Variants in PNPLA7 observed in about 807,000 individuals in gnomAD.
PNPLA7 encodes patatin-like phospholipase domain-containing protein 7.
Under a neutral mutation model 161.7 loss-of-function variants are expected in PNPLA7, and 153 were observed. That is an observed-to-expected ratio of 0.95 (90% CI 0.83 to 1.08). The LOEUF (loss-of-function observed/expected upper bound fraction) is 1.08, where lower values mean the gene tolerates loss of function less well. PNPLA7 is among the 50% of genes least tolerant of loss of function. The probability of loss-of-function intolerance (pLI) is 0.00; values close to 1 mark genes in which losing one functional copy is unlikely to be tolerated. For synonymous variants in PNPLA7, 809 were observed against 782.1 expected (o/e 1.03, Z -0.57); for missense variants, 1,739 against 1,856.6 (o/e 0.94, Z 1.16).
At position 137,537,935 on chromosome 9, in the gene PNPLA7, G is replaced by T. The variant is rs982748735; in HGVS notation, c.747+2707C>A. Among the ~76,000 whole-genome samples, 2 of 152,212 alleles carry T rather than the reference G, an allele frequency of 1.3e-5. No individual in the cohort carries two copies. Among genetic ancestry groups the T allele is most frequent in the Admixed American group, 1.3e-4 (2 of 15,290 alleles). ...AGGTCGCATACAGATGCCCCGTGCT[G>T]AACGGGTTTACGTCCACGTAGACCA... On this transcript the variant is annotated intron_variant, in intron 8 of 34. Coordinates refer to ENST00000406427, the MANE Select transcript of PNPLA7 (RefSeq NM_001098537.3). This position sits in a 1 kb window ranked among gnomAD's most constrained non-coding sequence, Gnocchi z 4.5.
chr9:137,502,246 G>A (rs1833472334), intron 14 of PNPLA7, among the ~76,000 whole-genome samples: 1 of 152,170 alleles, frequency 6.6e-6, no homozygotes, highest in African/African-American at 2.4e-5. Flanking sequence ...CAAACCAAGG[G>A]TGAGGGAGCG....
At chr9:137,531,882 A>G (rs1835598616) in intron 8 of PNPLA7, among the ~76,000 whole-genome samples, 1 of 152,182 alleles carries the variant, frequency 6.6e-6, no homozygotes, top group Admixed American at 6.5e-5. Context: ...CTAGCTAACC[A>G]GGGTTAAAAC....
chr9:137,535,305 CT>C (rs1474561735), intron 8 of PNPLA7, among the ~76,000 whole-genome samples: 4 of 152,290 alleles, frequency 2.6e-5, no homozygotes, highest in African/African-American at 9.6e-5. Flanking sequence ...AGAAAAGCCC[CT>C]GATCAGAAAG....
intron 20 of PNPLA7, among the ~76,000 whole-genome samples, chr9:137,487,235 C>T (rs1369185683): frequency 6.6e-6 from 1 of 152,236 alleles, no homozygotes; most frequent in African/African-American, 2.4e-5. Flanking sequence ...AGCTGCATCC[C>T]CAGCTGTTCA....
intron 20 of PNPLA7, chr9:137,491,328 A>G (rs1832751950): frequency 2.3e-6 from 1 of 430,108 alleles, no homozygotes; most frequent in Non-Finnish European, 3.1e-6. Context: ...TGAGAACAGA[A>G]AAAACAACAA....
chr9:137,466,560 C>T (rs1236250584), intron 26 of PNPLA7, among the ~76,000 whole-genome samples: 2 of 121,840 alleles, frequency 1.6e-5, no homozygotes, highest in East Asian at 2.7e-4. Flanking sequence ...TCTCAGACCC[C>T]GGCACGGATC....
chr9:137,478,948 A>C, intron 24 of PNPLA7, 108 bp downstream of exon 24: 1 of 1,351,706 alleles, frequency 7.4e-7, no homozygotes, highest in South Asian at 1.5e-5. Context: ...GGAAGGGCCC[A>C]GGAGCGCAGG....
intron 1 of PNPLA7, among the ~76,000 whole-genome samples, chr9:137,549,059 C>T (rs1247998396): frequency 6.6e-6 from 1 of 152,260 alleles, no homozygotes; most frequent in Non-Finnish European, 1.5e-5. Flanking sequence ...TGGCCCGTGA[C>T]CTGGTCACAG....
intron 12 of PNPLA7, 127 bp downstream of exon 12, chr9:137,515,252 C>G (rs1339269132): frequency 8.0e-7 from 1 of 1,255,666 alleles, no homozygotes; most frequent in African/African-American, 1.5e-5. Flanking sequence ...CCCCCCTGGG[C>G]ACGTGGGGCT....
chr9:137,465,168 G>A (rs988250118), intron 26 of PNPLA7, among the ~76,000 whole-genome samples: 4 of 152,182 alleles, frequency 2.6e-5, no homozygotes, highest in African/African-American at 9.7e-5. Context: ...ACCGTGTGAT[G>A]CAGGCAGTGA....
chr9:137,545,235 C>T (rs535000826), intron 4 of PNPLA7, among the ~76,000 whole-genome samples: 11 of 152,262 alleles, frequency 7.2e-5, no homozygotes, highest in East Asian at 5.8e-4. Context: ...GTCTAGGTTC[C>T]GGAACCACCC....
In PNPLA7 at chr9:137,500,540, C is replaced by A; in HGVS notation, c.1757+151G>T. 5 of 737,330 alleles carry A rather than the reference C, an allele frequency of 6.8e-6. No homozygotes were observed. The highest frequency in any genetic ancestry group is 1.1e-5 in the Non-Finnish European group (5 of 455,820). 45.7% of individuals were successfully genotyped at this position (737,330 alleles called of 1,614,324 possible). On this transcript the variant is annotated intron_variant, in intron 16 of 34. Coordinates refer to ENST00000406427, the MANE Select transcript of PNPLA7 (RefSeq NM_001098537.3). This position sits in a 1 kb window ranked among gnomAD's most constrained non-coding sequence, Gnocchi z 5.5. ...TGAGCGCTGGAGCAGGGGGCACAGA[C>A]CTGGGCCCACACAGGTGCCGGGGAC...
rs1257604605 is a variant in PNPLA7, at chr9:137,542,778, G to A, written c.530C>T (p.Pro177Leu). 2.2e-5 allele frequency: 36 copies of A among 1,613,426 alleles called. No individual in the cohort carries two copies. Among genetic ancestry groups the A allele is most frequent in the Non-Finnish European group, 2.7e-5 (32 of 1,179,840 alleles). ...NVRVLGHFEK[P>L]LFLELCKHIV... ...GTGTTTGCAAAGCTCCAGGAACAGC[G>A]GCTTCTCAAAGTGGCCCAGGACCCT... is the stretch of plus-strand genomic sequence containing the variant. The change falls in exon 7 of 35, where the codon CCG (proline) becomes CTG (leucine). Residue 177 changes from proline to leucine, a missense_variant. Pro to Leu is a moderately conservative substitution (Grantham distance 98). This residue lies in a region of PNPLA7 where 209 missense variants were observed against 252.8 expected (regional missense o/e 0.83). Transcript: ENST00000406427.
chr9:137,546,876 C>A lies in PNPLA7; in HGVS notation c.227G>T (p.Arg76Leu). The change falls in exon 4 of 35, where the codon CGG becomes CTG. Residue 76 changes from arginine to leucine, a missense_variant. Arg to Leu is a moderately radical substitution (Grantham distance 102). This residue lies in a region of PNPLA7 where 209 missense variants were observed against 252.8 expected (regional missense o/e 0.83). Transcript: ENST00000406427. ...GTAAAACATCACTTTGTCTCTCTTC[C>A]GGAACCGGTACTGAGGAGTGGGCTG... ...QAQPTPQYRFRKRDKVMFYGR... is the reference protein window; with the variant it reads ...QAQPTPQYRFLKRDKVMFYGR... 2 of 1,613,960 alleles carry A rather than the reference C, an allele frequency of 1.2e-6. No homozygotes were observed. Among genetic ancestry groups the A allele is most frequent in the East Asian group, 4.5e-5 (2 of 44,886 alleles).
intron 8 of PNPLA7, among the ~76,000 whole-genome samples, chr9:137,532,769 A>G (rs548248824): frequency 6.6e-6 from 1 of 152,324 alleles, no homozygotes; most frequent in African/African-American, 2.4e-5. Flanking sequence ...CCTGACCCCA[A>G]CAGGCTGGAA....
intron 24 of PNPLA7, 58 bp from the exon 25 acceptor site, chr9:137,478,210 C>G (rs983706546): frequency 2.5e-6 from 3 of 1,200,718 alleles, no homozygotes; most frequent in Non-Finnish European, 3.2e-6. Context: ...GCCGAGACCT[C>G]GCATCCTGGC....
At chr9:137,512,193 C>T (rs1416711239) in intron 12 of PNPLA7, among the ~76,000 whole-genome samples, 3 of 152,372 alleles carry the variant, frequency 2.0e-5, no homozygotes, top group South Asian at 2.1e-4. Flanking sequence ...GCCAAGCACA[C>T]GTGACTCCAT....
Position 137,467,432 on chromosome 9 carries a change from C to T in PNPLA7, c.2924G>A (p.Cys975Tyr). The T allele has an allele frequency of 6.2e-7, 1 of 1,613,384 alleles. No homozygotes were observed. Among genetic ancestry groups the T allele is most frequent in the East Asian group, 2.2e-5 (1 of 44,890 alleles). The change falls in exon 26 of 35, where the codon TGC becomes TAC. Residue 975 changes from cysteine to tyrosine, a missense_variant. Physicochemically the swap from Cys to Tyr is radical, Grantham distance 194 (BLOSUM62 -2). Transcript: ENST00000406427. The surrounding 1 kb of genome is among the most constrained non-coding windows in gnomAD (Gnocchi z 5.1). ...TCCCACCATGTCCACAGGGATGCCG[C>T]ACTCCGCCAAGGCCTTGAGAACGCC... ...QVGVLKALAE[C>Y]GIPVDMVGGT...
intron 14 of PNPLA7, among the ~76,000 whole-genome samples, chr9:137,502,712 C>CGGGGGGCGGGGGGGGCGG: frequency 1.2e-4 from 1 of 8,220 alleles, no homozygotes; most frequent in Middle Eastern, 0.056. Context: ...GCGGGGGACG[C>CGGGGGGCGGGGGGGGCGG]GGGGGACGCG....
Sources: allele counts gnomAD v4.1 joint callset (sites outside exome capture counted in the v4.1 genomes callset), GRCh38; gene constraint gnomAD v4.1.1; regional missense constraint gnomAD v4.1.1; non-coding constraint Gnocchi (gnomAD v3.1); transcripts MANE v1.5; gene names NCBI Gene and HGNC (gene_info 2026-07-23, HGNC 2026-07-21).